The following MSTO1 variants were observed in gnomAD, a reference collection of about 807,000 sequenced individuals.
MSTO1 encodes the protein protein misato homolog 1.
MSTO1 carries 24 observed loss-of-function variants against 55.7 expected under a neutral mutation model. The ratio of observed to expected loss-of-function variants is 0.43; its 90% CI spans 0.31 to 0.61. MSTO1 has a LOEUF of 0.61. MSTO1 is among the 20% of genes least tolerant of loss of function. The pLI is 0.09. For synonymous variants in MSTO1, 162 were observed against 252.8 expected, an observed-to-expected ratio of 0.64 and a Z score of 3.41; for missense variants, 363 against 625.7, an observed-to-expected ratio of 0.58 and a Z score of 4.48.
At chr1:155,603,819 C>T in the MSTO1 span, among the ~76,000 whole-genome samples, 1 of 152,082 alleles carries the variant, frequency 6.6e-6, no homozygotes. Flanking sequence ...GATCACGCCA[C>T]TGTACTCCAG....
chr1:155,578,619 T>C, the MSTO1 span, among the ~76,000 whole-genome samples: 4 of 148,986 alleles, frequency 2.7e-5, no homozygotes, highest in Admixed American at 1.3e-4. Flanking sequence ...CACGCCATTC[T>C]CCTGCCTCAG....
chr1:155,608,755 G>A (rs779440476), upstream of MSTO1, among the ~76,000 whole-genome samples: 50 of 151,854 alleles, frequency 3.3e-4, no homozygotes, highest in Admixed American at 5.2e-4. Context: ...ACCCGCCTCG[G>A]CCTCCCAAAG....
the MSTO1 span, among the ~76,000 whole-genome samples, chr1:155,577,695 C>T: frequency 6.6e-6 from 1 of 152,122 alleles, no homozygotes; most frequent in African/African-American, 2.4e-5. Context: ...TTCAAGAATG[C>T]TTGGGCTATT....
the MSTO1 span, among the ~76,000 whole-genome samples, chr1:155,576,819 T>G: frequency 0.039 from 5,786 of 148,070 alleles, 384 homozygotes; most frequent in African/African-American, 0.14. Flanking sequence ...ATCGAGACCA[T>G]CCTGGCTAAC....
In MSTO1 at chr1:155,612,166, A is replaced by C. The variant is rs1459288283; in HGVS notation, c.679-16A>C. ...CTCATCCTGCTAACTATCTTTTGTC[A>C]CTCACCCCCGTCCAGGGCTTCCAGA... On this transcript the variant is annotated splice_polypyrimidine_tract_variant and intron_variant, in intron 7 of 13. Transcript: ENST00000245564. 2.5e-6 allele frequency: 4 copies of C among 1,613,174 alleles called. No homozygotes were observed. The highest frequency in any genetic ancestry group is 3.4e-6 in the Non-Finnish European group (4 of 1,179,732).
At position 155,613,037 on chromosome 1, in the gene MSTO1, C is replaced by T. The variant is rs1674633737; in HGVS notation, c.1099-12C>T. On this transcript the variant is annotated splice_polypyrimidine_tract_variant and intron_variant, in intron 10 of 13. Coordinates refer to ENST00000245564, the MANE Select transcript of MSTO1 (RefSeq NM_018116.4). Reference sequence around the variant, plus strand: ...AAAATGTCCTATAACGTGTTCTCTTCCATCTCTTTAGGTGGTGACAGCAGG... The same window carrying T: ...AAAATGTCCTATAACGTGTTCTCTTTCATCTCTTTAGGTGGTGACAGCAGG... 6.2e-7 allele frequency: 1 copy of T among 1,613,668 alleles called. No individual in the cohort carries two copies. The highest frequency in any genetic ancestry group is 1.3e-5 in the African/African-American group (1 of 74,900).
the MSTO1 span, among the ~76,000 whole-genome samples, chr1:155,572,442 C>T: frequency 4.6e-5 from 7 of 151,734 alleles, no homozygotes; most frequent in African/African-American, 1.7e-4. Context: ...TGGCCGGGTG[C>T]GGTGGCTCAC....
chr1:155,580,707 T>C, the MSTO1 span, among the ~76,000 whole-genome samples: 1 of 152,030 alleles, frequency 6.6e-6, no homozygotes. Flanking sequence ...TTGCCTGAGC[T>C]GAGGAGTTCA....
chr1:155,583,620 G>T, the MSTO1 span, among the ~76,000 whole-genome samples: 1 of 152,186 alleles, frequency 6.6e-6, no homozygotes. Flanking sequence ...GATGCTGGTA[G>T]ATCATTTATT....
chr1:155,609,852 G>A (rs544927925), upstream of MSTO1: 2 of 214,950 alleles, frequency 9.3e-6, no homozygotes, highest in Non-Finnish European at 1.9e-5. Context: ...TTCTGGCAAG[G>A]TTTTCTTTTT....
the MSTO1 span, chr1:155,591,039 C>T: frequency 1.2e-5 from 20 of 1,613,756 alleles, no homozygotes; most frequent in Non-Finnish European, 1.7e-5. Flanking sequence ...CCTGCAGGTC[C>T]TGTGGCAGCG....
At chr1:155,580,152 G>C in the MSTO1 span, among the ~76,000 whole-genome samples, 2 of 150,880 alleles carry the variant, frequency 1.3e-5, no homozygotes, top group Non-Finnish European at 2.9e-5. Context: ...CCAACTACTC[G>C]TGAGGCTGAA....
chr1:155,572,988 A>AT, the MSTO1 span, among the ~76,000 whole-genome samples: 4 of 152,144 alleles, frequency 2.6e-5, no homozygotes, highest in Admixed American at 6.6e-5. Context: ...AAATTCCATT[A>AT]TTGGTATGTC....
rs1673522987 is a variant in MSTO1 at position 155,610,243 on chromosome 1, C to T, written c.-6C>T. On this transcript the variant is annotated 5_prime_UTR_variant, in exon 1 of 14. Coordinates refer to ENST00000245564, the MANE Select transcript of MSTO1 (RefSeq NM_018116.4). ...GAGGCGCGGCGGCCCCGTGGAGCAG[C>T]GCAGTATGGCGGGCGGGGCCCGGGA... 5 of 631,620 alleles carry T rather than the reference C, an allele frequency of 7.9e-6. No individual in the cohort carries two copies. In the South Asian group the frequency reaches 9.3e-5, roughly 12 times the overall value. The allele number at this position is 631,620 out of a possible 1,614,324, so 39.1% of individuals were successfully genotyped here.
chr1:155,612,075 A>G lies in MSTO1; in HGVS notation c.653A>G (p.Tyr218Cys). The change falls in exon 7 of 14, where the codon TAC becomes TGC. Residue 218 changes from tyrosine to cysteine, a missense_variant. By Grantham distance (194) the Tyr-to-Cys change is radical (BLOSUM62 -2). Around this residue, in one of 3 missense-constraint regions of MSTO1, gnomAD observed 94 missense variants for 212.4 expected, o/e 0.44. Coordinates refer to ENST00000245564, the MANE Select transcript of MSTO1 (RefSeq NM_018116.4). ...GAGCTGGAGGACAGGCTGCATTTCT[A>G]CGTGGAGGAATGTGACTACTTGCAG... ...QEELEDRLHF[Y>C]VEECDYLQGF... is the part of the protein sequence containing the mutation. 2 of 1,609,838 alleles carry G rather than the reference A, an allele frequency of 1.2e-6. No individual in the cohort carries two copies. The highest frequency in any genetic ancestry group is 8.5e-7 in the Non-Finnish European group (1 of 1,178,684).
In MSTO1 at chr1:155,612,478, G is replaced by C; in HGVS notation, c.874G>C (p.Ala292Pro). ...AGCTTTTGGTCTCGTGCACCTGACT[G>C]CTCACAGCTCTCTTGTCTGCCCCTT... ...NTAFGLVHLT[A>P]HSSLVCPLSL... Residue 292 changes from alanine to proline, a missense_variant, in exon 9 of 14, where the codon GCT (alanine) becomes CCT (proline). Around this residue, in one of 3 missense-constraint regions of MSTO1, gnomAD observed 231 missense variants for 286.9 expected, o/e 0.81. Transcript: ENST00000245564. The C allele has an allele frequency of 3.1e-6, 5 of 1,614,034 alleles. No homozygotes were observed. Among genetic ancestry groups the C allele is most frequent in the Non-Finnish European group, 4.2e-6 (5 of 1,179,980 alleles).
chr1:155,603,571 TC>T, the MSTO1 span, among the ~76,000 whole-genome samples: 1 of 151,832 alleles, frequency 6.6e-6, no homozygotes, highest in East Asian at 2.0e-4. Flanking sequence ...AAAGATGAAG[TC>T]CCAGACCTGG....
At chr1:155,587,705 C>T in the MSTO1 span, among the ~76,000 whole-genome samples, 2 of 146,370 alleles carry the variant, frequency 1.4e-5, no homozygotes, top group African/African-American at 5.1e-5. Flanking sequence ...GATCGCGCCA[C>T]TGCACTCCAG....
At chr1:155,581,775 A>G in the MSTO1 span, among the ~76,000 whole-genome samples, 30 of 150,664 alleles carry the variant, frequency 2.0e-4, no homozygotes, top group East Asian at 5.7e-3. Flanking sequence ...GATAATTATC[A>G]TTCATCTTTA....
Sources: allele counts gnomAD v4.1 joint callset (sites outside exome capture counted in the v4.1 genomes callset), GRCh38; gene constraint gnomAD v4.1.1; regional missense constraint gnomAD v4.1.1; transcripts MANE v1.5; gene names NCBI Gene and HGNC (gene_info 2026-07-23, HGNC 2026-07-21).